Variants in BRINP3 observed in about 807,000 individuals in gnomAD.
BRINP3 encodes the protein BMP/retinoic acid inducible neural specific 3, also known as BMP/retinoic acid-inducible neural-specific protein 3.
A neutral mutation model predicts 71.0 loss-of-function variants in BRINP3; 19 were observed. The ratio of observed to expected loss-of-function variants is 0.27; its 90% CI spans 0.19 to 0.39. The LOEUF (loss-of-function observed/expected upper bound fraction) is 0.39, where lower values mean the gene tolerates loss of function less well. Among genes scored for constraint, BRINP3 ranks in the 10% least tolerant of loss-of-function variants. The pLI is 1.00. For missense variants in BRINP3, 959 were observed against 940.8 expected, an observed-to-expected ratio of 1.02 and a Z score of -0.25; for synonymous variants, 380 against 337.7, an observed-to-expected ratio of 1.13 and a Z score of -1.37.
intron 2 of BRINP3, among the ~76,000 whole-genome samples, chr1:190,298,081 T>G (rs1664389745): frequency 6.6e-6 from 1 of 151,938 alleles, no homozygotes; most frequent in Admixed American, 6.6e-5. Flanking sequence ...TTTTAAGAAA[T>G]TGGTCAGCTT....
intron 1 of BRINP3, chr1:190,475,806 T>C (rs1041608071): frequency 6.6e-6 from 1 of 152,248 alleles, no homozygotes; most frequent in African/African-American, 2.4e-5. Flanking sequence ...TGTTCCTTAC[T>C]GGATCTGACT....
In BRINP3 at chr1:190,259,615, A is replaced by AAAAT. The variant is rs144685496; in HGVS notation, c.618+5246_618+5249dup. 5.0e-3 allele frequency among the ~76,000 whole-genome samples: 695 copies of AAAAT among 140,144 alleles called. 4 individuals are homozygous for AAAAT. The highest frequency in any genetic ancestry group is 7.0e-3 in the African/African-American group (271 of 38,910). The allele number at this position is 140,144 out of a possible 152,430, so 91.9% of individuals were successfully genotyped here. A position where few individuals can be genotyped will look rare whatever the true frequency, so the allele number is the denominator to read the frequency against. On this transcript the variant is annotated intron_variant, in intron 4 of 7. Transcript: ENST00000367462. ...TCTCACCACCAGGAGAATTAGGCAA[A>AAAAT]AAATAAATAAATAAATAAATAAATA...
intron 2 of BRINP3, among the ~76,000 whole-genome samples, chr1:190,448,950 T>C (rs529471845): frequency 6.6e-6 from 1 of 152,064 alleles, no homozygotes; most frequent in African/African-American, 2.4e-5. Flanking sequence ...ATTTTTCTGG[T>C]TGAAAATGGA....
chr1:190,255,236 C>CTTTTTTTTTTTTTTTTTT (rs201421106), intron 4 of BRINP3, among the ~76,000 whole-genome samples: 2 of 134,618 alleles, frequency 1.5e-5, no homozygotes, highest in Non-Finnish European at 1.6e-5. Context: ...AAAATTCTCT[C>CTTTTTTTTTTTTTTTTTT]TTTTTTTTTT....
intron 2 of BRINP3, among the ~76,000 whole-genome samples, chr1:190,453,211 T>TTTTTTTTTTTTTTTTC (rs1675752883): frequency 5.4e-5 from 3 of 55,460 alleles, no homozygotes; most frequent in African/African-American, 1.9e-4. Context: ...GTATTTTTTT[T>TTTTTTTTTTTTTTTTC]TTTTTTTTTT....
intron 2 of BRINP3, among the ~76,000 whole-genome samples, chr1:190,290,170 T>C (rs1038135902): frequency 3.3e-5 from 5 of 152,072 alleles, no homozygotes; most frequent in African/African-American, 4.8e-5. Flanking sequence ...TTCATGTGAC[T>C]AGGGCAAATT....
intron 2 of BRINP3, among the ~76,000 whole-genome samples, chr1:190,335,630 T>C (rs1558191982): frequency 6.6e-6 from 1 of 151,828 alleles, no homozygotes; most frequent in Non-Finnish European, 1.5e-5. Context: ...TTAAAGAATA[T>C]ATGACTCATT....
chr1:190,464,971 C>T (rs536843457), intron 1 of BRINP3, among the ~76,000 whole-genome samples: 7 of 152,046 alleles, frequency 4.6e-5, no homozygotes, highest in East Asian at 3.9e-4. Flanking sequence ...CTACTTCATC[C>T]TGTCAATACA....
At chr1:190,382,292 C>A (rs903119985) in intron 2 of BRINP3, among the ~76,000 whole-genome samples, 3 of 152,064 alleles carry the variant, frequency 2.0e-5, no homozygotes, top group African/African-American at 7.2e-5. Flanking sequence ...CTGTCACATC[C>A]TTCTTTGTCA....
chr1:190,297,561 A>AT, intron 2 of BRINP3, among the ~76,000 whole-genome samples: 1 of 152,088 alleles, frequency 6.6e-6, no homozygotes, highest in South Asian at 2.1e-4. Flanking sequence ...CTTGATTCCT[A>AT]TTTTTCTCAG....
chr1:190,458,405 T>A (rs987230098), intron 1 of BRINP3, among the ~76,000 whole-genome samples: 1 of 152,176 alleles, frequency 6.6e-6, no homozygotes, highest in Admixed American at 6.5e-5. Flanking sequence ...AAAGTCATAA[T>A]AGAATGCCTA....
intron 2 of BRINP3, among the ~76,000 whole-genome samples, chr1:190,437,831 A>C (rs919851524): frequency 5.7e-4 from 86 of 151,988 alleles, no homozygotes; most frequent in African/African-American, 2.0e-3. Flanking sequence ...TTTTATGTTA[A>C]GAGACTTGTA....
At chr1:190,290,449 T>A (rs770001678) in intron 2 of BRINP3, among the ~76,000 whole-genome samples, 15 of 152,236 alleles carry the variant, frequency 9.9e-5, no homozygotes, top group Middle Eastern at 3.4e-3. Context: ...ATAGACAAAT[T>A]CAGTTTTCAT....
At position 190,200,722 on chromosome 1, in the gene BRINP3, T is replaced by C. The variant is rs141273670; in HGVS notation, c.961+25360A>G. 8.7e-3 allele frequency among the ~76,000 whole-genome samples: 1,322 copies of C among 152,164 alleles called. 10 individuals carry two copies. The highest frequency in any genetic ancestry group is 0.013 in the Non-Finnish European group (855 of 67,996). On this transcript the variant is annotated intron_variant, in intron 6 of 7. Coordinates refer to ENST00000367462, the MANE Select transcript of BRINP3 (RefSeq NM_199051.3). Reference sequence around the variant, plus strand: ...AGATGATTGAATCATGGGGCAGATCTTTCCCATGCTGTTCCCAGGATAGTG... The same window carrying C: ...AGATGATTGAATCATGGGGCAGATCCTTCCCATGCTGTTCCCAGGATAGTG...
intron 4 of BRINP3, among the ~76,000 whole-genome samples, chr1:190,247,150 T>G (rs536957977): frequency 1.3e-5 from 2 of 151,870 alleles, no homozygotes; most frequent in African/African-American, 4.8e-5. Flanking sequence ...GCAATTCGGT[T>G]ACCAAAAAAA....
intron 5 of BRINP3, among the ~76,000 whole-genome samples, chr1:190,226,691 G>C (rs575445483): frequency 1.1e-4 from 17 of 151,924 alleles, no homozygotes; most frequent in East Asian, 9.7e-4. Flanking sequence ...GATTTCAAAT[G>C]GTTTTCAATA....
At chr1:190,331,055 C>T (rs1176103121) in intron 2 of BRINP3, among the ~76,000 whole-genome samples, 2 of 151,832 alleles carry the variant, frequency 1.3e-5, no homozygotes, top group African/African-American at 4.8e-5. Flanking sequence ...GCAACAGACT[C>T]AGGTAACAAA....
intron 6 of BRINP3, among the ~76,000 whole-genome samples, chr1:190,177,712 G>T (rs939049172): frequency 6.6e-6 from 1 of 152,100 alleles, no homozygotes; most frequent in African/African-American, 2.4e-5. Flanking sequence ...GACAATCAAG[G>T]CTAATTTTAC....
At chr1:190,437,771 TA>T (rs537847115) in intron 2 of BRINP3, among the ~76,000 whole-genome samples, 226 of 151,842 alleles carry the variant, frequency 1.5e-3, no homozygotes, top group Middle Eastern at 6.9e-3. Flanking sequence ...TAAATACTGT[TA>T]AAAAAACTGT....
Sources: allele counts gnomAD v4.1 joint callset (sites outside exome capture counted in the v4.1 genomes callset), GRCh38; gene constraint gnomAD v4.1.1; transcripts MANE v1.5; gene names NCBI Gene and HGNC (gene_info 2026-07-23, HGNC 2026-07-21).